Variants in PTPN13 observed in about 807,000 individuals in gnomAD.
PTPN13 encodes tyrosine-protein phosphatase non-receptor type 13.
In PTPN13, 191 loss-of-function variants were observed where a neutral mutation model predicts 284.0. The ratio of observed to expected loss-of-function variants is 0.67; its 90% CI spans 0.60 to 0.76. The LOEUF is 0.76. Among genes scored for constraint, PTPN13 ranks in the 30% least tolerant of loss-of-function variants. PTPN13 has a pLI of 0.00. For missense variants in PTPN13, 2,797 were observed against 2,939.9 expected (o/e 0.95, Z 1.12); for synonymous variants, 986 against 1,022.3 (o/e 0.96, Z 0.68).
chr4:86,720,053 T>G (rs530337612), intron 9 of PTPN13, among the ~76,000 whole-genome samples: 1 of 152,276 alleles, frequency 6.6e-6, no homozygotes, highest in African/African-American at 2.4e-5. Context: ...TCTCTATGCA[T>G]CTAATTTGGA....
chr4:86,742,901 C>T (rs1217254803), intron 16 of PTPN13, among the ~76,000 whole-genome samples: 1 of 152,132 alleles, frequency 6.6e-6, no homozygotes, highest in East Asian at 1.9e-4. Context: ...CCACACTAAC[C>T]CACATATATA....
intron 10 of PTPN13, among the ~76,000 whole-genome samples, chr4:86,730,965 T>C (rs1734876507): frequency 6.6e-6 from 1 of 152,220 alleles, no homozygotes; most frequent in Non-Finnish European, 1.5e-5. Context: ...CTATTTCTAT[T>C]CTTGTTTAAA....
At chr4:86,792,350 G>A (rs1045114621) in intron 40 of PTPN13, among the ~76,000 whole-genome samples, 3 of 152,194 alleles carry the variant, frequency 2.0e-5, no homozygotes, top group Admixed American at 6.5e-5. Context: ...TTAGAAATAT[G>A]GGACTGTGTG....
chr4:86,634,915 C>T (rs1722843494), intron 1 of PTPN13, among the ~76,000 whole-genome samples: 1 of 152,248 alleles, frequency 6.6e-6, no homozygotes, highest in African/African-American at 2.4e-5. Context: ...GAAAGGCCTT[C>T]AGTTCAGTCT....
At chr4:86,733,733 A>G (rs1735201610) in intron 12 of PTPN13, among the ~76,000 whole-genome samples, 1 of 152,168 alleles carries the variant, frequency 6.6e-6, no homozygotes, top group Admixed American at 6.5e-5. Context: ...TTTCTTACAG[A>G]TTCTGGTAAA....
At chr4:86,764,933 CT>C (rs1329436541) in intron 25 of PTPN13, among the ~76,000 whole-genome samples, 1 of 152,104 alleles carries the variant, frequency 6.6e-6, no homozygotes, top group Non-Finnish European at 1.5e-5. Flanking sequence ...CAAACACTAC[CT>C]TTTTCTCCAT....
intron 2 of PTPN13, among the ~76,000 whole-genome samples, chr4:86,651,409 C>T (rs1725057189): frequency 6.6e-6 from 1 of 151,794 alleles, no homozygotes. Flanking sequence ...CTTCCTCCCT[C>T]CCTCCCTCCG....
intron 20 of PTPN13, among the ~76,000 whole-genome samples, chr4:86,753,831 G>A (rs1305834271): frequency 3.3e-5 from 5 of 151,844 alleles, no homozygotes; most frequent in Non-Finnish European, 7.4e-5. Context: ...TTTCAGTCTT[G>A]GACTCTTAAA....
chr4:86,714,210 A>C (rs1261573762), intron 7 of PTPN13, among the ~76,000 whole-genome samples: 2 of 152,108 alleles, frequency 1.3e-5, no homozygotes, highest in African/African-American at 2.4e-5. Flanking sequence ...TCATGTCAGA[A>C]TTTCTTTAAT....
intron 12 of PTPN13, 144 bp from the exon 13 acceptor site, chr4:86,734,159 C>T: frequency 3.1e-6 from 2 of 647,140 alleles, no homozygotes; most frequent in Non-Finnish European, 5.0e-6. Flanking sequence ...TGTCTCAGAG[C>T]TCCCTGCCAC....
At chr4:86,795,619 G>C (rs149469681) in intron 40 of PTPN13, among the ~76,000 whole-genome samples, 1 of 152,114 alleles carries the variant, frequency 6.6e-6, no homozygotes, top group Non-Finnish European at 1.5e-5. Flanking sequence ...GTTCACAATA[G>C]CAAAGACATG....
intron 1 of PTPN13, among the ~76,000 whole-genome samples, chr4:86,613,129 A>G (rs1277394073): frequency 6.6e-6 from 1 of 152,240 alleles, no homozygotes; most frequent in African/African-American, 2.4e-5. Flanking sequence ...CCCACTTTAT[A>G]AGACTCTTTA....
intron 2 of PTPN13, among the ~76,000 whole-genome samples, chr4:86,651,631 G>T (rs1046723272): frequency 1.3e-5 from 2 of 152,108 alleles, no homozygotes; most frequent in African/African-American, 4.8e-5. Context: ...TTTGATGGGA[G>T]ACTTTTTATT....
chr4:86,748,397 C>G (rs1394905484), intron 17 of PTPN13, among the ~76,000 whole-genome samples: 1 of 152,102 alleles, frequency 6.6e-6, no homozygotes, highest in Non-Finnish European at 1.5e-5. Flanking sequence ...CATCCCATAT[C>G]CAAGAGTAGG....
chr4:86,625,721 C>T (rs1721763411), intron 1 of PTPN13, among the ~76,000 whole-genome samples: 1 of 152,106 alleles, frequency 6.6e-6, no homozygotes, highest in Non-Finnish European at 1.5e-5. Context: ...GGCTGGGATA[C>T]ACTTTTGGCT....
At chr4:86,710,907 T>C (rs1578468255) in intron 7 of PTPN13, among the ~76,000 whole-genome samples, 1 of 152,090 alleles carries the variant, frequency 6.6e-6, no homozygotes, top group African/African-American at 2.4e-5. Context: ...TAGACTTCTG[T>C]CCAAATCTTA....
At chr4:86,618,922 C>G (rs1565157765) in intron 1 of PTPN13, among the ~76,000 whole-genome samples, 4 of 152,154 alleles carry the variant, frequency 2.6e-5, no homozygotes, top group Admixed American at 2.6e-4. Context: ...CCTTTATTTC[C>G]TTCTCCTGCC....
chr4:86,712,284 G>A (rs558164538), intron 7 of PTPN13, among the ~76,000 whole-genome samples: 7 of 151,232 alleles, frequency 4.6e-5, no homozygotes, highest in Non-Finnish European at 7.4e-5. Context: ...CTCTTCAACA[G>A]ACCAGAACAG....
At chr4:86,682,817 G>A (rs970297568) in intron 3 of PTPN13, among the ~76,000 whole-genome samples, 4 of 152,084 alleles carry the variant, frequency 2.6e-5, no homozygotes, top group African/African-American at 7.2e-5. Context: ...GTGTATGGAA[G>A]CATCATGCAC....
Sources: gnomAD v4.1 joint callset for allele counts (sites outside exome capture counted in the v4.1 genomes callset) on GRCh38, gnomAD v4.1.1 for gene constraint, MANE v1.5 for transcripts, NCBI Gene and HGNC (gene_info 2026-07-23, HGNC 2026-07-21) for gene names.